LDLRAD3: variants seen among roughly 807,000 people sequenced by gnomAD.
LDLRAD3 encodes the protein low density lipoprotein receptor class A domain containing 3, also known as low-density lipoprotein receptor class A domain-containing protein 3.
In LDLRAD3, 20 loss-of-function variants were observed where a neutral mutation model predicts 29.4. The ratio of observed to expected loss-of-function variants is 0.68; its 90% CI spans 0.48 to 0.99. LDLRAD3 has a LOEUF of 0.99. LDLRAD3 is among the 50% of genes least tolerant of loss of function. LDLRAD3 has a pLI of 0.00. For synonymous variants in LDLRAD3, 157 were observed against 192.7 expected (o/e 0.81, Z 1.53); for missense variants, 420 against 454.3 (o/e 0.92, Z 0.69).
chr11:36,120,766 T>C (rs1326883499), intron 4 of LDLRAD3, among the ~76,000 whole-genome samples: 3 of 152,170 alleles, frequency 2.0e-5, no homozygotes, highest in Non-Finnish European at 4.4e-5. Context: ...TTCTATATGC[T>C]GAAATTCTAA....
At chr11:36,035,994 A>T in intron 1 of LDLRAD3, 109 bp from the exon 2 acceptor site, 1 of 1,044,696 alleles carries the variant, frequency 9.6e-7, no homozygotes, top group Non-Finnish European at 1.4e-6. Context: ...AGAGAGGTTG[A>T]GTCATCTACC....
At chr11:36,158,456 A>C (rs10836511) in intron 4 of LDLRAD3, among the ~76,000 whole-genome samples, 31,657 of 102,274 alleles carry the variant, frequency 0.31, 4,136 homozygotes, top group African/African-American at 0.46. Context: ...CCCCATCCCC[A>C]CCCCCTGTTT....
intron 3 of LDLRAD3, among the ~76,000 whole-genome samples, chr11:36,095,468 G>A (rs1406009580): frequency 6.6e-6 from 1 of 152,140 alleles, no homozygotes; most frequent in Admixed American, 6.5e-5. Flanking sequence ...TCAATTGCCT[G>A]ATTACATCCT....
At chr11:35,980,861 C>T (rs2133156592) in intron 1 of LDLRAD3, among the ~76,000 whole-genome samples, 1 of 152,180 alleles carries the variant, frequency 6.6e-6, no homozygotes, top group South Asian at 2.1e-4. Context: ...TGTCAATTGC[C>T]CAGTGTTTAG....
chr11:35,954,734 A>G (rs939150085), intron 1 of LDLRAD3, among the ~76,000 whole-genome samples: 20 of 152,214 alleles, frequency 1.3e-4, no homozygotes, highest in Non-Finnish European at 2.4e-4. Flanking sequence ...CTTGGCTTAA[A>G]AAGACAAAGA....
rs1371544664 is a variant in LDLRAD3 at position 36,017,484 on chromosome 11, T to C, written c.47-18619T>C. On this transcript the variant is annotated intron_variant, in intron 1 of 5. Transcript: ENST00000315571. ...CTTTCACCTCTTGGTAGCCATTGCTTTGATTGTGCTTTTTCTTCATGATTG... is the reference window on the plus strand; with the variant it reads ...CTTTCACCTCTTGGTAGCCATTGCTCTGATTGTGCTTTTTCTTCATGATTG... Among the ~76,000 whole-genome samples the C allele has an allele frequency of 2.0e-5, 3 of 152,134 alleles. No individual in the cohort carries two copies. In the East Asian group the frequency reaches 5.8e-4, roughly 29 times the overall value.
intron 1 of LDLRAD3, among the ~76,000 whole-genome samples, chr11:35,976,440 A>G (rs1025865088): frequency 6.6e-6 from 1 of 152,004 alleles, no homozygotes; most frequent in Non-Finnish European, 1.5e-5. Context: ...AGGTGATGAG[A>G]GTTGGCTAGG....
chr11:35,959,065 C>T (rs1458523341), intron 1 of LDLRAD3, among the ~76,000 whole-genome samples: 3 of 152,182 alleles, frequency 2.0e-5, no homozygotes, highest in African/African-American at 7.2e-5. Flanking sequence ...CCATAGTGAT[C>T]CCTGTTTCTT....
chr11:36,055,911 G>C (rs1565190190), intron 2 of LDLRAD3, among the ~76,000 whole-genome samples: 1 of 147,884 alleles, frequency 6.8e-6, no homozygotes, highest in Non-Finnish European at 1.5e-5. Flanking sequence ...ATGAGTTTGG[G>C]TAGCTTTAAG....
At chr11:36,038,992 G>A (rs1478848318) in intron 2 of LDLRAD3, among the ~76,000 whole-genome samples, 2 of 140,856 alleles carry the variant, frequency 1.4e-5, no homozygotes, top group African/African-American at 5.4e-5. Context: ...TTTTTTAGAC[G>A]GAGTCTTGCC....
At chr11:35,966,670 A>AG (rs34927409) in intron 1 of LDLRAD3, among the ~76,000 whole-genome samples, 85,122 of 151,934 alleles carry the variant, frequency 0.56, 26,372 homozygotes, top group African/African-American at 0.84. Context: ...TTGTTCTGCA[A>AG]TTAAACAACC....
At chr11:35,990,582 TA>T (rs576172197) in intron 1 of LDLRAD3, among the ~76,000 whole-genome samples, 1 of 98,982 alleles carries the variant, frequency 1.0e-5, no homozygotes, top group African/African-American at 6.7e-5. Context: ...CTAATTTTTG[TA>T]TTTTTTTTTT....
intron 3 of LDLRAD3, among the ~76,000 whole-genome samples, chr11:36,095,196 AAG>A (rs1367703707): frequency 6.6e-6 from 1 of 152,148 alleles, no homozygotes; most frequent in Non-Finnish European, 1.5e-5. Flanking sequence ...AGGAAGAAAA[AAG>A]AGTCTCTCTA....
intron 4 of LDLRAD3, among the ~76,000 whole-genome samples, chr11:36,171,806 C>T (rs1484093549): frequency 6.6e-6 from 1 of 152,060 alleles, no homozygotes; most frequent in Non-Finnish European, 1.5e-5. Flanking sequence ...GCTATGAGAG[C>T]TCTTTTTTGG....
At chr11:36,185,052 G>A (rs1438365416) in intron 4 of LDLRAD3, among the ~76,000 whole-genome samples, 5 of 152,108 alleles carry the variant, frequency 3.3e-5, no homozygotes, top group Non-Finnish European at 5.9e-5. Flanking sequence ...TCTAGAATTA[G>A]GTTTTTTCCC....
At chr11:36,144,571 C>A (rs1290725210) in intron 4 of LDLRAD3, among the ~76,000 whole-genome samples, 1 of 149,620 alleles carries the variant, frequency 6.7e-6, no homozygotes. Context: ...AGCGTCTCTG[C>A]CCGGCCGCCC....
intron 4 of LDLRAD3, among the ~76,000 whole-genome samples, chr11:36,160,732 C>T (rs1482678493): frequency 6.6e-6 from 1 of 151,998 alleles, no homozygotes; most frequent in Non-Finnish European, 1.5e-5. Context: ...ACTGAAAATG[C>T]GTTAGTGACC....
At chr11:36,022,610 A>G (rs1467542470) in intron 1 of LDLRAD3, among the ~76,000 whole-genome samples, 1 of 152,184 alleles carries the variant, frequency 6.6e-6, no homozygotes, top group African/African-American at 2.4e-5. Context: ...AAACTGAGGC[A>G]CAGGGTGGGT....
chr11:36,120,281 T>C (rs1167853446), intron 4 of LDLRAD3, among the ~76,000 whole-genome samples: 1 of 152,124 alleles, frequency 6.6e-6, no homozygotes, highest in Non-Finnish European at 1.5e-5. Context: ...TGGTTAGATC[T>C]CTTCTTCACT....
Sources: gnomAD v4.1 joint callset for allele counts (sites outside exome capture counted in the v4.1 genomes callset) on GRCh38, gnomAD v4.1.1 for gene constraint, MANE v1.5 for transcripts, NCBI Gene and HGNC (gene_info 2026-07-23, HGNC 2026-07-21) for gene names.